Variants in METTL24 observed in about 807,000 individuals in gnomAD.
METTL24 encodes probable methyltransferase-like protein 24.
METTL24 carries 29 observed loss-of-function variants against 32.7 expected under a neutral mutation model. That is an observed-to-expected ratio of 0.89 (90% CI 0.66 to 1.21). The LOEUF is 1.21. METTL24 is among the 50% of genes most tolerant of loss of function. METTL24 has a pLI of 0.00. For missense variants in METTL24, 439 were observed against 468.1 expected (o/e 0.94, Z 0.57); for synonymous variants, 163 against 179.5 (o/e 0.91, Z 0.73).
intron 1 of METTL24, among the ~76,000 whole-genome samples, chr6:110,340,096 A>C (rs1772322336): frequency 6.6e-6 from 1 of 152,204 alleles, no homozygotes; most frequent in African/African-American, 2.4e-5. Flanking sequence ...AATCAATAGG[A>C]GGGAGGAACA....
Position 110,358,314 on chromosome 6 carries a change from GC to G in METTL24, c.-43del. 1 of 1,384,440 alleles carries G rather than the reference GC, an allele frequency of 7.2e-7. No homozygotes were observed. The highest frequency in any genetic ancestry group is 9.4e-7 in the Non-Finnish European group (1 of 1,065,896). The allele number at this position is 1,384,440 out of a possible 1,614,324, so 85.8% of individuals were successfully genotyped here. A position where few individuals can be genotyped will look rare whatever the true frequency, so the allele number is the denominator to read the frequency against. ...TCCCGCGGGCCGCGCCTGGCCGGCA[GC>G]AGGGATGTAGCCCCACAGGCCGGAG... On this transcript the variant is annotated 5_prime_UTR_variant, in exon 1 of 5. Transcript: ENST00000338882.
intron 4 of METTL24, among the ~76,000 whole-genome samples, chr6:110,280,946 C>A (rs1771126116): frequency 6.6e-6 from 1 of 152,098 alleles, no homozygotes; most frequent in South Asian, 2.1e-4. Flanking sequence ...AGCCACCATG[C>A]CTGGCCTGAG....
At chr6:110,314,990 G>GT (rs111369642) in intron 3 of METTL24, among the ~76,000 whole-genome samples, 2,842 of 142,698 alleles carry the variant, frequency 0.02, 40 homozygotes, top group African/African-American at 0.036. Flanking sequence ...AGTTTTTTGT[G>GT]TTTTTTTTTT....
chr6:110,335,568 T>TG (rs1772206380), intron 1 of METTL24, among the ~76,000 whole-genome samples: 1 of 1,972 alleles, frequency 5.1e-4, no homozygotes, highest in Non-Finnish European at 1.1e-3. Flanking sequence ...GAATCATTGT[T>TG]TTTTTTTTTT....
chr6:110,334,179 G>GA (rs1562240517), intron 1 of METTL24, among the ~76,000 whole-genome samples: 2 of 151,934 alleles, frequency 1.3e-5, no homozygotes, highest in African/African-American at 4.8e-5. Context: ...GCAACCCGGG[G>GA]GCCCACAGGG....
intron 1 of METTL24, among the ~76,000 whole-genome samples, chr6:110,345,925 C>T (rs779441137): frequency 6.6e-6 from 1 of 152,164 alleles, no homozygotes; most frequent in Non-Finnish European, 1.5e-5. Context: ...TACCCCAGAA[C>T]CTGAAACAAA....
At chr6:110,293,244 C>T (rs891185247) in intron 4 of METTL24, among the ~76,000 whole-genome samples, 6 of 151,986 alleles carry the variant, frequency 3.9e-5, no homozygotes, top group Non-Finnish European at 7.4e-5. Flanking sequence ...CCTTTGAATT[C>T]GTTCAAGTTT....
At chr6:110,248,439 A>T (rs1228482293) in intron 4 of METTL24, among the ~76,000 whole-genome samples, 1 of 152,208 alleles carries the variant, frequency 6.6e-6, no homozygotes, top group Admixed American at 6.5e-5. Flanking sequence ...CTGGTCCACC[A>T]AGGAAAAAGT....
At chr6:110,303,185 C>T (rs1020580273) in intron 3 of METTL24, among the ~76,000 whole-genome samples, 2 of 152,150 alleles carry the variant, frequency 1.3e-5, no homozygotes, top group East Asian at 1.9e-4. Context: ...GAGATTCCCT[C>T]GGGTGCCTAC....
intron 4 of METTL24, among the ~76,000 whole-genome samples, chr6:110,270,518 C>T (rs1770937067): frequency 6.6e-6 from 1 of 152,070 alleles, no homozygotes; most frequent in African/African-American, 2.4e-5. Flanking sequence ...GTATGCACTA[C>T]ATTTTGAGGA....
At chr6:110,341,064 T>A (rs1772346953) in intron 1 of METTL24, among the ~76,000 whole-genome samples, 1 of 152,196 alleles carries the variant, frequency 6.6e-6, no homozygotes, top group African/African-American at 2.4e-5. Flanking sequence ...TTTTTCCTAT[T>A]AAGTTAATGG....
chr6:110,315,213 A>C, intron 3 of METTL24, 129 bp downstream of exon 3: 1 of 1,083,562 alleles, frequency 9.2e-7, no homozygotes, highest in Non-Finnish European at 1.4e-6. Context: ...TCAGTCTGAA[A>C]TGATGACAGG....
chr6:110,246,400 C>T, intron 4 of METTL24, 140 bp from the exon 5 acceptor site: 2 of 685,578 alleles, frequency 2.9e-6, no homozygotes, highest in Non-Finnish European at 4.8e-6. Context: ...TGGCCATTTG[C>T]ATTTATGACA....
chr6:110,299,158 G>GA lies in METTL24; in HGVS notation c.558-9dup. ...GTATCATCACTTCCTAGCCTATAAAGAAAGAGGACGGAAATCAACAACAAA... is the reference window on the plus strand; with the variant it reads ...GTATCATCACTTCCTAGCCTATAAAGAAAAGAGGACGGAAATCAACAACAAA... On this transcript the variant is annotated splice_polypyrimidine_tract_variant and intron_variant, in intron 3 of 4. Coordinates refer to ENST00000338882, the MANE Select transcript of METTL24 (RefSeq NM_001123364.3). 1 of 1,610,682 alleles carries GA rather than the reference G, an allele frequency of 6.2e-7. No homozygotes were observed. The highest frequency in any genetic ancestry group is 8.5e-7 in the Non-Finnish European group (1 of 1,178,360).
chr6:110,349,981 T>G (rs1027789678), intron 1 of METTL24, among the ~76,000 whole-genome samples: 1 of 152,240 alleles, frequency 6.6e-6, no homozygotes, highest in African/African-American at 2.4e-5. Context: ...TGGATGCCTC[T>G]GATAGAACCT....
chr6:110,283,439 A>C (rs770079440), intron 4 of METTL24, among the ~76,000 whole-genome samples: 1 of 152,162 alleles, frequency 6.6e-6, no homozygotes, highest in Non-Finnish European at 1.5e-5. Flanking sequence ...AAGCTAACAA[A>C]TCCTCTCACC....
chr6:110,343,488 C>A (rs1772404469), intron 1 of METTL24, among the ~76,000 whole-genome samples: 1 of 152,230 alleles, frequency 6.6e-6, no homozygotes, highest in Non-Finnish European at 1.5e-5. Context: ...ACACTCACTG[C>A]AGCCAATTCT....
chr6:110,291,031 TTTTG>T (rs1460181238), intron 4 of METTL24, among the ~76,000 whole-genome samples: 3 of 152,208 alleles, frequency 2.0e-5, no homozygotes, highest in Admixed American at 6.5e-5. Flanking sequence ...AGTTTAACTC[TTTTG>T]TTTGTTAATT....
At chr6:110,334,086 G>T (rs941977722) in intron 1 of METTL24, among the ~76,000 whole-genome samples, 1 of 149,310 alleles carries the variant, frequency 6.7e-6, no homozygotes, top group African/African-American at 2.5e-5. Context: ...ACAGGAAAAG[G>T]GGGGCCTGAG....
Sources: gnomAD v4.1 joint callset for allele counts (sites outside exome capture counted in the v4.1 genomes callset) on GRCh38, gnomAD v4.1.1 for gene constraint, MANE v1.5 for transcripts, NCBI Gene and HGNC (gene_info 2026-07-23, HGNC 2026-07-21) for gene names.